Variants in SGCD observed in about 807,000 individuals in gnomAD.
SGCD encodes the protein sarcoglycan delta, also known as delta-sarcoglycan.
A neutral mutation model predicts 36.6 loss-of-function variants in SGCD; 18 were observed. That is an observed-to-expected ratio of 0.49 (90% CI 0.34 to 0.73). The LOEUF is 0.73. Among genes scored for constraint, SGCD ranks in the 30% least tolerant of loss-of-function variants. The pLI, the probability that SGCD is intolerant of heterozygous loss-of-function variation, is 0.01. For synonymous variants in SGCD, 133 were observed against 130.6 expected (o/e 1.02, Z -0.12); for missense variants, 387 against 346.7 (o/e 1.12, Z -0.92).
At chr5:156,061,635 T>A (rs1184455431) in intron 1 of SGCD, among the ~76,000 whole-genome samples, 1 of 146,378 alleles carries the variant, frequency 6.8e-6, no homozygotes, top group East Asian at 1.9e-4. Flanking sequence ...AGTAGAAATT[T>A]GATCTATGCC....
At chr5:155,986,693 C>T (rs1015762287) in intron 1 of SGCD, among the ~76,000 whole-genome samples, 6 of 152,198 alleles carry the variant, frequency 3.9e-5, no homozygotes, top group African/African-American at 1.4e-4. Context: ...TCACCTAGAA[C>T]ATGATTCATG....
the SGCD span, among the ~76,000 whole-genome samples, chr5:155,829,470 A>C: frequency 4.6e-5 from 7 of 152,216 alleles, no homozygotes; most frequent in African/African-American, 1.4e-4. Context: ...AAGCCTTCAC[A>C]AGAAAATTTC....
the SGCD span, among the ~76,000 whole-genome samples, chr5:155,846,806 C>G: frequency 6.6e-6 from 1 of 152,144 alleles, no homozygotes; most frequent in Non-Finnish European, 1.5e-5. Context: ...TTCATTTCTT[C>G]TAAGACCCTA....
chr5:155,991,605 A>G (rs781358654), intron 1 of SGCD, among the ~76,000 whole-genome samples: 3 of 152,250 alleles, frequency 2.0e-5, no homozygotes, highest in Non-Finnish European at 4.4e-5. Context: ...CAATGTCTAG[A>G]AAGAAACTCT....
At chr5:156,484,257 A>G (rs1288308895) in intron 3 of SGCD, among the ~76,000 whole-genome samples, 6 of 152,244 alleles carry the variant, frequency 3.9e-5, no homozygotes, top group Non-Finnish European at 5.9e-5. Context: ...GAGTATGTGA[A>G]GGCCACATCT....
intron 7 of SGCD, among the ~76,000 whole-genome samples, chr5:156,695,491 A>C (rs1185578991): frequency 1.7e-5 from 2 of 121,096 alleles, no homozygotes; most frequent in African/African-American, 8.3e-5. Flanking sequence ...CTCGATAGAT[A>C]GATAGATAGA....
At chr5:156,498,976 TTA>T (rs1206257376) in intron 3 of SGCD, among the ~76,000 whole-genome samples, 28 of 143,598 alleles carry the variant, frequency 1.9e-4, no homozygotes, top group African/African-American at 6.5e-4. Context: ...GTGTATGTGT[TTA>T]TGTGTTTTGG....
At chr5:155,762,256 A>G in the SGCD span, among the ~76,000 whole-genome samples, 1 of 152,206 alleles carries the variant, frequency 6.6e-6, no homozygotes, top group African/African-American at 2.4e-5. Context: ...CAGCTTGAGC[A>G]TGTTCAGACA....
chr5:155,989,072 G>T (rs897531714), intron 1 of SGCD, among the ~76,000 whole-genome samples: 1 of 152,094 alleles, frequency 6.6e-6, no homozygotes, highest in South Asian at 2.1e-4. Context: ...TGGAACTTTC[G>T]TCAATTTTGT....
At chr5:156,035,673 T>C (rs1432173083) in intron 1 of SGCD, among the ~76,000 whole-genome samples, 1 of 152,142 alleles carries the variant, frequency 6.6e-6, no homozygotes, top group Non-Finnish European at 1.5e-5. Flanking sequence ...TAGGTGGTTC[T>C]CTAATGGCAG....
At chr5:156,558,794 G>C in intron 4 of SGCD, among the ~76,000 whole-genome samples, 1 of 152,166 alleles carries the variant, frequency 6.6e-6, no homozygotes, top group Non-Finnish European at 1.5e-5. Flanking sequence ...AAGGAGTGTT[G>C]TGGGGAGAGA....
At chr5:156,275,536 G>T (rs1291603319) in intron 3 of SGCD, among the ~76,000 whole-genome samples, 1 of 152,134 alleles carries the variant, frequency 6.6e-6, no homozygotes, top group Non-Finnish European at 1.5e-5. Flanking sequence ...AATACCTCTT[G>T]CATGTTACGA....
chr5:156,150,626 G>T (rs1278690461), intron 3 of SGCD, among the ~76,000 whole-genome samples: 2 of 151,642 alleles, frequency 1.3e-5, no homozygotes, highest in Non-Finnish European at 2.9e-5. Flanking sequence ...GATAAGCGTG[G>T]AATGTTGGAA....
At chr5:155,866,442 G>T (rs1053480183), upstream of SGCD, among the ~76,000 whole-genome samples, 12 of 152,134 alleles carry the variant, frequency 7.9e-5, no homozygotes, top group Non-Finnish European at 1.3e-4. Context: ...TGTTGTTCCA[G>T]ACTCCCTGAT....
chr5:155,951,799 A>G (rs1757553598), intron 1 of SGCD, among the ~76,000 whole-genome samples: 1 of 152,146 alleles, frequency 6.6e-6, no homozygotes, highest in Non-Finnish European at 1.5e-5. Context: ...GCCTGGATAT[A>G]GCATGGATTG....
intron 3 of SGCD, among the ~76,000 whole-genome samples, chr5:156,414,125 G>A (rs1772909319): frequency 6.6e-6 from 1 of 152,056 alleles, no homozygotes; most frequent in Non-Finnish European, 1.5e-5. Flanking sequence ...AGGATTTCTG[G>A]GAAGAAAATT....
At chr5:156,345,055 A>C (rs1768876616) in intron 3 of SGCD, among the ~76,000 whole-genome samples, 1 of 152,204 alleles carries the variant, frequency 6.6e-6, no homozygotes, top group Non-Finnish European at 1.5e-5. Flanking sequence ...AGGTTTTTTG[A>C]AGTAGAGAGT....
chr5:156,647,476 C>T lies in SGCD; in HGVS notation c.515C>T (p.Thr172Ile). The change falls in exon 7 of 9, where the codon ACA becomes ATA. Residue 172 changes from threonine to isoleucine, a missense_variant. Thr to Ile is a moderately conservative substitution (Grantham distance 89). Transcript: ENST00000337851. ...GTTTTGTTTACAGGAGCGGAGGGCA[C>T]AGTGTTCCCTAAATCTATAGAAACA... ...ERLRVLGAEG[T>I]VFPKSIETPN... The T allele has an allele frequency of 6.3e-7, 1 of 1,584,460 alleles. No individual in the cohort carries two copies. Among genetic ancestry groups the T allele is most frequent in the Non-Finnish European group, 8.6e-7 (1 of 1,163,206 alleles).
At chr5:155,970,601 G>T (rs1220233649) in intron 1 of SGCD, among the ~76,000 whole-genome samples, 2 of 152,106 alleles carry the variant, frequency 1.3e-5, no homozygotes, top group Non-Finnish European at 2.9e-5. Flanking sequence ...TGGCTACAGA[G>T]TGATGGGAAA....
Sources: allele counts gnomAD v4.1 joint callset (sites outside exome capture counted in the v4.1 genomes callset), GRCh38; gene constraint gnomAD v4.1.1; transcripts MANE v1.5; gene names NCBI Gene and HGNC (gene_info 2026-07-23, HGNC 2026-07-21).